The following XYLT1 variants were observed in gnomAD, a reference collection of about 807,000 sequenced individuals.
XYLT1 encodes the protein xylosyltransferase 1.
A neutral mutation model predicts 91.3 loss-of-function variants in XYLT1; 36 were observed. The observed-to-expected ratio is 0.39, with a 90% CI of 0.30 to 0.52. The LOEUF is 0.52. XYLT1 is among the 20% of genes least tolerant of loss of function. The pLI is 0.68. For synonymous variants in XYLT1, 588 were observed against 532.0 expected, an observed-to-expected ratio of 1.11 and a Z score of -1.45; for missense variants, 1,242 against 1,284.5, an observed-to-expected ratio of 0.97 and a Z score of 0.51.
intron 1 of XYLT1, among the ~76,000 whole-genome samples, chr16:17,406,092 G>A (rs1177668639): frequency 6.6e-6 from 1 of 152,186 alleles, no homozygotes; most frequent in Admixed American, 6.5e-5. Flanking sequence ...GGCTGAGGCA[G>A]GAGAATCGCT....
chr16:17,148,993 AT>A (rs2031211615), intron 6 of XYLT1, among the ~76,000 whole-genome samples: 1 of 152,196 alleles, frequency 6.6e-6, no homozygotes, highest in Non-Finnish European at 1.5e-5. Context: ...CCTTCCTGAT[AT>A]TTTTACCTAT....
intron 1 of XYLT1, among the ~76,000 whole-genome samples, chr16:17,384,654 C>T (rs980528531): frequency 1.3e-5 from 2 of 151,798 alleles, no homozygotes; most frequent in Non-Finnish European, 2.9e-5. Flanking sequence ...GGCCAGGACA[C>T]TTGTTCTCAC....
rs1032594074 is a variant in XYLT1 at position 17,264,321 on chromosome 16, C to T, written c.403-4823G>A. ...ATAGCTGATAGAAGCAGAATAAACA[C>T]GTGTACTATCTGTCCTTCTGTGACT... On this transcript the variant is annotated intron_variant, in intron 2 of 11. Transcript: ENST00000261381. Among the ~76,000 whole-genome samples the T allele has an allele frequency of 2.6e-5, 4 of 152,184 alleles. No individual in the cohort carries two copies. In the South Asian group the frequency reaches 6.2e-4, roughly 24 times the overall value.
chr16:17,464,505 AAAAG>A, intron 1 of XYLT1, among the ~76,000 whole-genome samples: 1 of 151,768 alleles, frequency 6.6e-6, no homozygotes, highest in East Asian at 1.9e-4. Flanking sequence ...AAAAAAAAAA[AAAAG>A]GAGCTAGAAG....
chr16:17,206,092 A>G (rs550181156), intron 3 of XYLT1, among the ~76,000 whole-genome samples: 1 of 152,214 alleles, frequency 6.6e-6, no homozygotes, highest in Admixed American at 6.5e-5. Flanking sequence ...TTTAGGAAAG[A>G]CACCGCCCCT....
chr16:17,226,843 T>G (rs1169019241), intron 3 of XYLT1, among the ~76,000 whole-genome samples: 1 of 152,184 alleles, frequency 6.6e-6, no homozygotes, highest in Non-Finnish European at 1.5e-5. Context: ...AAATACTACT[T>G]TAGATAGACC....
At chr16:17,434,287 T>C (rs1414008968) in intron 1 of XYLT1, among the ~76,000 whole-genome samples, 2 of 152,272 alleles carry the variant, frequency 1.3e-5, no homozygotes, top group African/African-American at 4.8e-5. Flanking sequence ...ACAAAGAAGG[T>C]GGTGACAAGC....
At chr16:17,293,803 A>C (rs2034268227) in intron 2 of XYLT1, among the ~76,000 whole-genome samples, 1 of 152,104 alleles carries the variant, frequency 6.6e-6, no homozygotes, top group African/African-American at 2.4e-5. Flanking sequence ...TCTCTCTCTT[A>C]AGAGTCACCA....
At chr16:17,352,325 C>G (rs2035233754) in intron 2 of XYLT1, among the ~76,000 whole-genome samples, 1 of 152,172 alleles carries the variant, frequency 6.6e-6, no homozygotes, top group Non-Finnish European at 1.5e-5. Context: ...CTCCAGCCTT[C>G]CAAATGCTCA....
intron 3 of XYLT1, among the ~76,000 whole-genome samples, chr16:17,208,889 TA>T: frequency 6.6e-6 from 1 of 152,234 alleles, no homozygotes; most frequent in Middle Eastern, 3.4e-3. Context: ...CACGCCCGGC[TA>T]ATTTTTTTGT....
Position 17,470,598 on chromosome 16 carries a change from G to A in XYLT1, c.199C>T (p.Arg67Cys). The change falls in exon 1 of 12, where the codon CGC becomes TGC. Residue 67 changes from arginine (R) to cysteine (C), a missense_variant. Arg to Cys is a radical substitution (Grantham distance 180). Transcript: ENST00000261381. ...PPPAPAPRRE[R>C]RDLPAEPAAA... ...GCCGGCTCGGCGGGCAGGTCCCGGC[G>A]CTCCCGGCGCGGGGCCGGGGCCGGG... 1 of 1,166,268 alleles carries A rather than the reference G, an allele frequency of 8.6e-7. No individual in the cohort carries two copies. The allele number at this position is 1,166,268 out of a possible 1,614,324, so 72.2% of individuals were successfully genotyped here.
chr16:17,367,197 G>C (rs973626971), intron 1 of XYLT1, among the ~76,000 whole-genome samples: 3 of 152,138 alleles, frequency 2.0e-5, no homozygotes, highest in Non-Finnish European at 2.9e-5. Context: ...GACAATTGGC[G>C]ACACTTTACA....
intron 10 of XYLT1, among the ~76,000 whole-genome samples, chr16:17,124,411 A>C (rs2030185872): frequency 6.6e-6 from 1 of 152,128 alleles, no homozygotes; most frequent in Non-Finnish European, 1.5e-5. Flanking sequence ...CGTGGCTGGT[A>C]ACTGTTTTGT....
intron 9 of XYLT1, among the ~76,000 whole-genome samples, chr16:17,129,285 A>AGAGTC (rs1347740616): frequency 1.3e-5 from 2 of 152,090 alleles, no homozygotes; most frequent in Non-Finnish European, 2.9e-5. Flanking sequence ...TTTTTGAGGC[A>AGAGTC]GAGTCTCACT....
chr16:17,451,419 C>T (rs1596552954), intron 1 of XYLT1, among the ~76,000 whole-genome samples: 2 of 152,276 alleles, frequency 1.3e-5, no homozygotes, highest in Admixed American at 1.3e-4. Context: ...ATGACCCTCC[C>T]CTTCTCCCTG....
rs1238241454 is a variant in XYLT1, at chr16:17,179,592, G to GGAGGATGCACTGTGT, written c.1289+18619_1289+18620insACACAGTGCATCCTC. On this transcript the variant is annotated intron_variant, in intron 5 of 11. Coordinates refer to ENST00000261381, the MANE Select transcript of XYLT1 (RefSeq NM_022166.4). Reference sequence around the variant, plus strand: ...TACTGTCTCTTTCTCTAATGAGCATGGAGGATGCACAACAGTGCTTGCTTT... The same window carrying GGAGGATGCACTGTGT: ...TACTGTCTCTTTCTCTAATGAGCATGGAGGATGCACTGTGTGAGGATGCACAACAGTGCTTGCTTT... 3.9e-5 allele frequency among the ~76,000 whole-genome samples: 6 copies of GGAGGATGCACTGTGT among 152,102 alleles called. No individual in the cohort carries two copies. The East Asian group carries it at 1.2e-3, about 29-fold the overall frequency.
intron 1 of XYLT1, among the ~76,000 whole-genome samples, chr16:17,435,096 T>C (rs759907868): frequency 2.6e-5 from 4 of 152,210 alleles, no homozygotes; most frequent in African/African-American, 7.2e-5. Flanking sequence ...AAGGCAGAGA[T>C]GCCTGTAAGA....
intron 1 of XYLT1, among the ~76,000 whole-genome samples, chr16:17,451,594 T>G (rs1253744743): frequency 6.6e-6 from 1 of 152,202 alleles, no homozygotes; most frequent in Non-Finnish European, 1.5e-5. Context: ...GGTACATCTG[T>G]AAAGCATGCA....
intron 1 of XYLT1, among the ~76,000 whole-genome samples, chr16:17,386,456 C>T (rs1484183512): frequency 2.0e-5 from 3 of 152,154 alleles, no homozygotes; most frequent in African/African-American, 4.8e-5. Context: ...TAAATAGCAG[C>T]TTAAGCCTTG....
Sources: gnomAD v4.1 joint callset for allele counts (sites outside exome capture counted in the v4.1 genomes callset) on GRCh38, gnomAD v4.1.1 for gene constraint, MANE v1.5 for transcripts, NCBI Gene and HGNC (gene_info 2026-07-23, HGNC 2026-07-21) for gene names.